The following SLIT3 variants were observed in gnomAD, a reference collection of about 807,000 sequenced individuals.
SLIT3 encodes the protein slit guidance ligand 3.
In SLIT3, 68 loss-of-function variants were observed where a neutral mutation model predicts 184.0. The observed-to-expected ratio is 0.37, with a 90% CI of 0.30 to 0.45. The LOEUF is 0.45. SLIT3 is among the 20% of genes least tolerant of loss of function. SLIT3 has a pLI of 1.00. For missense variants in SLIT3, 1,707 were observed against 2,026.0 expected (o/e 0.84, Z 3.02); for synonymous variants, 831 against 828.6 (o/e 1.00, Z -0.05).
At chr5:168,842,027 TTTCA>T (rs1418149909) in intron 6 of SLIT3, among the ~76,000 whole-genome samples, 1 of 152,238 alleles carries the variant, frequency 6.6e-6, no homozygotes, top group African/African-American at 2.4e-5. Flanking sequence ...CTATTTATTA[TTTCA>T]TTGTCAGGAT....
Position 169,247,318 on chromosome 5 carries a change from C to T in SLIT3, c.270-2542G>A, listed in dbSNP as rs73319545. 5.2e-3 allele frequency among the ~76,000 whole-genome samples: 784 copies of T among 152,224 alleles called. 8 individuals carry two copies. Among genetic ancestry groups the T allele is most frequent in the African/African-American group, 0.018 (742 of 41,536 alleles). ...CTAATAGTCTCACACTAGCACGTCA[C>T]GCTAAATAGGGTCCCACTTCAACAC... On this transcript the variant is annotated intron_variant, in intron 2 of 35. Transcript: ENST00000519560.
intron 9 of SLIT3, among the ~76,000 whole-genome samples, chr5:168,801,944 A>C (rs1756780052): frequency 6.6e-6 from 1 of 152,102 alleles, no homozygotes; most frequent in Non-Finnish European, 1.5e-5. Flanking sequence ...TTTGCATGAG[A>C]GATAGGCAAC....
intron 5 of SLIT3, among the ~76,000 whole-genome samples, chr5:168,861,288 G>A (rs1759096228): frequency 6.6e-6 from 1 of 151,526 alleles, no homozygotes; most frequent in South Asian, 2.1e-4. Context: ...CCCAGTGTGT[G>A]ATGTTCCCCT....
intron 3 of SLIT3, among the ~76,000 whole-genome samples, chr5:169,194,013 C>A (rs575764387): frequency 6.6e-6 from 1 of 152,030 alleles, no homozygotes; most frequent in Non-Finnish European, 1.5e-5. Context: ...GCAGGCAGAT[C>A]ATGAGGTCAA....
chr5:169,011,491 G>GGATTTATGGAGGT (rs1246753902), intron 4 of SLIT3, among the ~76,000 whole-genome samples: 2 of 152,114 alleles, frequency 1.3e-5, no homozygotes, highest in Non-Finnish European at 2.9e-5. Flanking sequence ...AGGACAGTGT[G>GGATTTATGGAGGT]GATTTATGGA....
At chr5:169,177,733 A>G (rs1478368297) in intron 4 of SLIT3, among the ~76,000 whole-genome samples, 1 of 152,234 alleles carries the variant, frequency 6.6e-6, no homozygotes, top group Non-Finnish European at 1.5e-5. Flanking sequence ...AACTTCTGAA[A>G]TGCCTAGAGG....
intron 20 of SLIT3, among the ~76,000 whole-genome samples, chr5:168,734,682 A>C (rs1208766247): frequency 6.6e-6 from 1 of 152,202 alleles, no homozygotes; most frequent in Non-Finnish European, 1.5e-5. Context: ...AGACAGCCAA[A>C]GCATTGGCTG....
intron 4 of SLIT3, among the ~76,000 whole-genome samples, chr5:168,893,448 C>G (rs1436660279): frequency 6.6e-6 from 1 of 152,112 alleles, no homozygotes; most frequent in East Asian, 1.9e-4. Context: ...AATCTGAAAT[C>G]CAGTAGCATG....
chr5:169,210,315 G>A (rs12659897), intron 3 of SLIT3, among the ~76,000 whole-genome samples: 9,652 of 152,070 alleles, frequency 0.063, 467 homozygotes, highest in East Asian at 0.19. Flanking sequence ...GCAAATAAAT[G>A]CACAAAAAAA....
chr5:169,084,454 ATTTTTTTTTT>A (rs56062027), intron 4 of SLIT3, among the ~76,000 whole-genome samples: 129 of 101,414 alleles, frequency 1.3e-3, no homozygotes, highest in African/African-American at 4.5e-3. Flanking sequence ...CCATGCCCAG[ATTTTTTTTTT>A]TTTTTTTTTT....
chr5:169,194,499 A>T (rs575722597), intron 3 of SLIT3, among the ~76,000 whole-genome samples: 12 of 151,624 alleles, frequency 7.9e-5, no homozygotes, highest in South Asian at 4.2e-4. Flanking sequence ...TCTACATCAA[A>T]TTTTTTTTTA....
At chr5:168,698,925 T>C (rs1762136624) in intron 27 of SLIT3, among the ~76,000 whole-genome samples, 1 of 152,250 alleles carries the variant, frequency 6.6e-6, no homozygotes, top group African/African-American at 2.4e-5. Context: ...GAGATATTTC[T>C]GCTCAACCGA....
chr5:168,813,102 C>T (rs1757216372), intron 8 of SLIT3, among the ~76,000 whole-genome samples: 1 of 152,076 alleles, frequency 6.6e-6, no homozygotes, highest in South Asian at 2.1e-4. Context: ...ACATTTAAGG[C>T]CAAGGGCAGG....
intron 4 of SLIT3, among the ~76,000 whole-genome samples, chr5:169,063,507 G>C (rs1758245214): frequency 6.6e-6 from 1 of 152,168 alleles, no homozygotes; most frequent in African/African-American, 2.4e-5. Flanking sequence ...GCTGCTTTCT[G>C]ACCCGCCTCG....
At chr5:169,266,837 C>G (rs1581120153) in intron 1 of SLIT3, among the ~76,000 whole-genome samples, 2 of 152,148 alleles carry the variant, frequency 1.3e-5, no homozygotes, top group East Asian at 3.8e-4. Flanking sequence ...TTTCCTTCCT[C>G]ATCTTTAAAA....
At chr5:169,046,386 C>T (rs1757624127) in intron 4 of SLIT3, among the ~76,000 whole-genome samples, 1 of 152,200 alleles carries the variant, frequency 6.6e-6, no homozygotes, top group Non-Finnish European at 1.5e-5. Context: ...GAATCAGATA[C>T]ACTGCAGAAC....
intron 4 of SLIT3, among the ~76,000 whole-genome samples, chr5:169,069,525 G>T (rs1375444155): frequency 1.3e-5 from 2 of 152,174 alleles, no homozygotes; most frequent in Non-Finnish European, 1.5e-5. Context: ...CCTGGGTGCC[G>T]AGGGAACTCA....
chr5:169,271,467 A>G lies in SLIT3; in HGVS notation c.198-20008T>C, dbSNP rs182375568. 2.0e-5 allele frequency among the ~76,000 whole-genome samples: 3 copies of G among 152,248 alleles called. No individual in the cohort carries two copies. The East Asian group carries it at 5.8e-4, about 29-fold the overall frequency. On this transcript the variant is annotated intron_variant, in intron 1 of 35. Coordinates refer to ENST00000519560, the MANE Select transcript of SLIT3 (RefSeq NM_003062.4). ...TCCTCTCTTGAATGGCTGCAATTTT[A>G]TTCTGTGGTTTGTTTACTCTGACGT... is the stretch of plus-strand genomic sequence containing the variant.
intron 12 of SLIT3, among the ~76,000 whole-genome samples, chr5:168,783,050 C>A (rs1422955928): frequency 1.3e-5 from 2 of 152,062 alleles, no homozygotes; most frequent in African/African-American, 2.4e-5. Flanking sequence ...TCAGAGGAAC[C>A]ATCAGCAAAC....
Sources: allele counts gnomAD v4.1 joint callset (sites outside exome capture counted in the v4.1 genomes callset), GRCh38; gene constraint gnomAD v4.1.1; transcripts MANE v1.5; gene names NCBI Gene and HGNC (gene_info 2026-07-23, HGNC 2026-07-21).